FAM98A: variants seen among roughly 807,000 people sequenced by gnomAD.
The protein encoded by FAM98A is tRNA splicing ligase complex subunit 3A.
A neutral mutation model predicts 62.9 loss-of-function variants in FAM98A; 25 were observed. The observed-to-expected ratio is 0.40, with a 90% confidence interval of 0.29 to 0.56. The LOEUF (loss-of-function observed/expected upper bound fraction) is 0.56. Ranked by LOEUF, FAM98A falls within the 20% of genes least tolerant of loss-of-function variation. FAM98A has a pLI of 0.51. For missense variants in FAM98A, 653 were observed against 640.7 expected (o/e 1.02, Z -0.21); for synonymous variants, 252 against 228.6 (o/e 1.10, Z -0.92).
At chr2:33,590,351 C>T (rs1443690636) in intron 3 of FAM98A, among the ~76,000 whole-genome samples, 1 of 152,012 alleles carries the variant, frequency 6.6e-6, no homozygotes, top group Non-Finnish European at 1.5e-5. Context: ...TTGTTTTCCC[C>T]CCTAAAATAC....
intron 2 of FAM98A, 145 bp downstream of exon 2, chr2:33,595,344 G>T: frequency 1.7e-6 from 1 of 592,978 alleles, no homozygotes; most frequent in Non-Finnish European, 2.7e-6. Context: ...TAAAAACAAC[G>T]GACGGAAAAA....
chr2:33,597,892 C>A lies in FAM98A; in HGVS notation c.53+1277G>T, dbSNP rs79079638. On this transcript the variant is annotated intron_variant, in intron 1 of 7. Transcript: ENST00000238823. Reference sequence around the variant, plus strand: ...TAACACTGCCACAAAGAAACTGTTCCTAAAAAAGTCCTAATGAATGAATGG... The same window carrying A: ...TAACACTGCCACAAAGAAACTGTTCATAAAAAAGTCCTAATGAATGAATGG... 4.6e-5 allele frequency among the ~76,000 whole-genome samples: 7 copies of A among 152,298 alleles called. No homozygotes were observed. In the East Asian group the frequency reaches 1.3e-3, roughly 29 times the overall value.
At chr2:33,593,310 T>C (rs1011669504) in intron 2 of FAM98A, among the ~76,000 whole-genome samples, 8 of 152,138 alleles carry the variant, frequency 5.3e-5, no homozygotes, top group African/African-American at 1.9e-4. Flanking sequence ...GAGGCTGACC[T>C]GGAGAATTGC....
At chr2:33,588,032 A>AT (rs1172489462) in intron 4 of FAM98A, 2 of 324,854 alleles carry the variant, frequency 6.2e-6, no homozygotes, top group African/African-American at 4.3e-5. Context: ...TGATAAAATA[A>AT]TTTTTAAAAG....
intron 2 of FAM98A, among the ~76,000 whole-genome samples, chr2:33,592,938 T>C (rs1272878706): frequency 1.3e-5 from 2 of 152,198 alleles, no homozygotes; most frequent in African/African-American, 2.4e-5. Context: ...ATTTAAGTTA[T>C]TCCCTGTGAC....
intron 1 of FAM98A, 37 bp from the exon 2 acceptor site, chr2:33,595,674 A>T (rs779622053): frequency 6.7e-7 from 1 of 1,491,286 alleles, no homozygotes; most frequent in African/African-American, 1.4e-5. Context: ...AAGAAAATAC[A>T]ATCATACCTA....
At chr2:33,592,754 A>G (rs1327120322) in intron 2 of FAM98A, among the ~76,000 whole-genome samples, 2 of 151,800 alleles carry the variant, frequency 1.3e-5, no homozygotes, top group Admixed American at 6.6e-5. Context: ...CCCTCATCCA[A>G]TCTGATTTTT....
intron 3 of FAM98A, chr2:33,589,171 T>C (rs1677619622): frequency 6.6e-6 from 1 of 152,200 alleles, no homozygotes; most frequent in African/African-American, 2.4e-5. Flanking sequence ...CCTCACCCCA[T>C]TCCCTTCAAA....
chr2:33,584,658 A>T lies in FAM98A; in HGVS notation c.*118T>A. On this transcript the variant is annotated 3_prime_UTR_variant, in exon 8 of 8. Transcript: ENST00000238823. ...TGAAGACCTACAAATGCTTATGCCA[A>T]GCAGGAATCTGCCTGCCACCTGTGG... 1 of 851,132 alleles carries T rather than the reference A, an allele frequency of 1.2e-6. No individual in the cohort carries two copies. Among genetic ancestry groups the T allele is most frequent in the Non-Finnish European group, 1.9e-6 (1 of 534,970 alleles). The allele number at this position is 851,132 out of a possible 1,614,324, so 52.7% of individuals were successfully genotyped here.
In FAM98A at chr2:33,584,363, T is replaced by C. The variant is rs916347590; in HGVS notation, c.*413A>G. On this transcript the variant is annotated 3_prime_UTR_variant, in exon 8 of 8. Coordinates refer to ENST00000238823, the MANE Select transcript of FAM98A (RefSeq NM_015475.5). ...TAAGCAAAACACATATAAATGGTTA[T>C]TCATATGAGGAAGGTTTCCTAGTAG... The C allele has an allele frequency of 5.7e-6, 1 of 175,868 alleles. No homozygotes were observed. The highest frequency in any genetic ancestry group is 1.6e-4 in the East Asian group (1 of 6,340). The allele number at this position is 175,868 out of a possible 1,614,324, so 10.9% of individuals were successfully genotyped here.
At position 33,585,436 on chromosome 2, in the gene FAM98A, C is replaced by G. The variant is rs770488788; in HGVS notation, c.897G>C (p.Met299Ile). ...KTACAINKVL[M>I]GRVPDRGGRP... ...TACCACCTCTGTCAGGCACCCTGCC[C>G]ATCAACACCTACAGAATAGGAAAGA... is the stretch of plus-strand genomic sequence containing the variant. Residue 299 changes from methionine (M) to isoleucine (I), a missense_variant, in exon 8 of 8, where the codon ATG becomes ATC. Transcript: ENST00000238823. The G allele has an allele frequency of 2.5e-6, 4 of 1,614,076 alleles. No homozygotes were observed. In the South Asian group the frequency reaches 4.4e-5, roughly 18 times the overall value.
At chr2:33,592,289 TTGA>T in intron 2 of FAM98A, 75 bp from the exon 3 acceptor site, 8 of 1,191,700 alleles carry the variant, frequency 6.7e-6, no homozygotes, top group Non-Finnish European at 9.4e-6. Flanking sequence ...TTATATATAA[TTGA>T]AATTGTTAAT....
At chr2:33,587,664 G>C (rs1439363261) in intron 4 of FAM98A, 1 of 251,862 alleles carries the variant, frequency 4.0e-6, no homozygotes, top group Non-Finnish European at 7.8e-6. Flanking sequence ...CATGGTGCTG[G>C]TCTACCCCAC....
rs3213961 is a variant in FAM98A at position 33,586,869 on chromosome 2, A to G, written c.604-191T>C. On this transcript the variant is annotated intron_variant, in intron 5 of 7. Transcript: ENST00000238823. ...ACAAAAAGCTGATTCACAAAACATA[A>G]TGAAGAGTATGTGAAGTACACAATT... 1.7e-5 allele frequency: 10 copies of G among 582,264 alleles called. No homozygotes were observed. In the Admixed American group the frequency reaches 2.1e-4, roughly 12 times the overall value. The allele number at this position is 582,264 out of a possible 1,614,324, so 36.1% of individuals were successfully genotyped here.
rs768409938 is a variant in FAM98A at position 33,585,293 on chromosome 2, G to A, written c.1040C>T (p.Ser347Leu). ...GGGRGGYEHS[S>L]YGGRGGHEQG... Reference sequence around the variant, plus strand: ...TTCATGACCTCCTCGTCCTCCGTATGAGGAATGTTCATAGCCACCTCTCCC... The same window carrying A: ...TTCATGACCTCCTCGTCCTCCGTATAAGGAATGTTCATAGCCACCTCTCCC... Residue 347 changes from serine to leucine, a missense_variant, in exon 8 of 8, where the codon TCA becomes TTA. Transcript: ENST00000238823. The A allele has an allele frequency of 3.1e-6, 5 of 1,613,666 alleles. No homozygotes were observed. The South Asian group carries it at 5.5e-5, about 18-fold the overall frequency.
chr2:33,594,357 A>C (rs1677740837), intron 2 of FAM98A, among the ~76,000 whole-genome samples: 2 of 151,864 alleles, frequency 1.3e-5, no homozygotes, highest in South Asian at 4.2e-4. Context: ...TGGGAGTTAA[A>C]AAATGAGAAC....
At chr2:33,586,966 T>C in intron 5 of FAM98A, 1 of 519,110 alleles carries the variant, frequency 1.9e-6, no homozygotes, top group South Asian at 3.1e-5. Flanking sequence ...AGGCAATCCA[T>C]TTGGCAACGA....
chr2:33,590,809 T>G (rs1677655358), intron 3 of FAM98A, among the ~76,000 whole-genome samples: 1 of 152,168 alleles, frequency 6.6e-6, no homozygotes, highest in African/African-American at 2.4e-5. Flanking sequence ...TACATTCAAG[T>G]GGTTTGTATA....
At chr2:33,588,634 G>A in intron 3 of FAM98A, 115 bp from the exon 4 acceptor site, 3 of 658,800 alleles carry the variant, frequency 4.6e-6, no homozygotes, top group Admixed American at 3.7e-5. Flanking sequence ...TGCAAGAATG[G>A]ATAAAAACAA....
Sources: allele counts gnomAD v4.1 joint callset (sites outside exome capture counted in the v4.1 genomes callset), GRCh38; gene constraint gnomAD v4.1.1; transcripts MANE v1.5; gene names NCBI Gene and HGNC (gene_info 2026-07-23, HGNC 2026-07-21).